TRAPPC9: variants seen among roughly 807,000 people sequenced by gnomAD.
TRAPPC9 encodes the protein IKK2 binding protein.
A neutral mutation model predicts 124.0 loss-of-function variants in TRAPPC9; 83 were observed. The ratio of observed to expected loss-of-function variants is 0.67; its 90% CI spans 0.56 to 0.80. The LOEUF (loss-of-function observed/expected upper bound fraction) is 0.80. Among genes scored for constraint, TRAPPC9 ranks in the 30% least tolerant of loss-of-function variants. The pLI, the probability that TRAPPC9 is intolerant of heterozygous loss-of-function variation, is 0.00. For missense variants in TRAPPC9, 1,302 were observed against 1,508.3 expected (o/e 0.86, Z 2.27); for synonymous variants, 638 against 617.5 (o/e 1.03, Z -0.49).
At chr8:140,227,221 G>A (rs966935412) in intron 16 of TRAPPC9, among the ~76,000 whole-genome samples, 2 of 152,066 alleles carry the variant, frequency 1.3e-5, no homozygotes, top group African/African-American at 4.8e-5. Context: ...CACTGGGCGC[G>A]CCTGGGAAGG....
intron 19 of TRAPPC9, among the ~76,000 whole-genome samples, chr8:139,938,746 C>T (rs922168974): frequency 6.6e-6 from 1 of 151,324 alleles, no homozygotes; most frequent in Non-Finnish European, 1.5e-5. Context: ...CCCGGGTTCA[C>T]GCCATTCTCC....
chr8:140,054,066 C>A (rs1415371685), intron 17 of TRAPPC9, among the ~76,000 whole-genome samples: 1 of 152,182 alleles, frequency 6.6e-6, no homozygotes, highest in Non-Finnish European at 1.5e-5. Context: ...TGAATTAACA[C>A]AGAAACAGAA....
At chr8:139,885,351 C>T (rs1829934580) in intron 21 of TRAPPC9, among the ~76,000 whole-genome samples, 1 of 152,178 alleles carries the variant, frequency 6.6e-6, no homozygotes, top group East Asian at 1.9e-4. Context: ...GGGTTGAACA[C>T]AACGTTGAGT....
intron 21 of TRAPPC9, among the ~76,000 whole-genome samples, chr8:139,799,143 T>C (rs553756879): frequency 1.3e-5 from 2 of 152,252 alleles, no homozygotes; most frequent in African/African-American, 4.8e-5. Context: ...TGGGGCCTGG[T>C]GGGAGGTAAT....
intron 17 of TRAPPC9, among the ~76,000 whole-genome samples, chr8:140,157,803 C>T (rs2130870834): frequency 6.6e-6 from 1 of 152,140 alleles, no homozygotes; most frequent in African/African-American, 2.4e-5. Context: ...AATCCCAAAA[C>T]ACAGAAATAA....
chr8:139,884,554 G>A (rs1011643346), intron 21 of TRAPPC9, among the ~76,000 whole-genome samples: 2 of 152,144 alleles, frequency 1.3e-5, no homozygotes, highest in Non-Finnish European at 2.9e-5. Context: ...ATAAAATACA[G>A]CTAATCCCCC....
At chr8:140,260,876 G>A (rs1285357682) in intron 15 of TRAPPC9, among the ~76,000 whole-genome samples, 1 of 152,138 alleles carries the variant, frequency 6.6e-6, no homozygotes, top group African/African-American at 2.4e-5. Flanking sequence ...ATCACCAGGC[G>A]GAAAGCACAC....
chr8:140,168,494 C>CGGTATAAAT (rs1262766771), intron 17 of TRAPPC9, among the ~76,000 whole-genome samples: 2 of 152,186 alleles, frequency 1.3e-5, no homozygotes, highest in Admixed American at 1.3e-4. Context: ...TTCCTATAAA[C>CGGTATAAAT]GGAATCATAC....
chr8:140,268,060 C>T (rs1172335184), intron 15 of TRAPPC9, among the ~76,000 whole-genome samples: 1 of 151,816 alleles, frequency 6.6e-6, no homozygotes, highest in African/African-American at 2.4e-5. Context: ...TTTTTCATCT[C>T]GTGTGGCAAA....
chr8:140,076,782 G>A (rs952226080), intron 17 of TRAPPC9, among the ~76,000 whole-genome samples: 18 of 152,172 alleles, frequency 1.2e-4, no homozygotes, highest in African/African-American at 3.9e-4. Context: ...ACTATCATGC[G>A]CCAGTTAAAA....
chr8:140,240,373 G>A (rs939112102), intron 16 of TRAPPC9, among the ~76,000 whole-genome samples: 1 of 152,150 alleles, frequency 6.6e-6, no homozygotes, highest in Non-Finnish European at 1.5e-5. Flanking sequence ...GGGCTCCGAG[G>A]GGAGGACTGG....
chr8:139,969,790 TG>T (rs1835943966), intron 19 of TRAPPC9, among the ~76,000 whole-genome samples: 1 of 152,320 alleles, frequency 6.6e-6, no homozygotes, highest in East Asian at 1.9e-4. Context: ...GTGTCTATCT[TG>T]GGGAGTTTCC....
At chr8:140,379,183 G>T (rs187895391) in intron 7 of TRAPPC9, among the ~76,000 whole-genome samples, 1 of 151,882 alleles carries the variant, frequency 6.6e-6, no homozygotes, top group African/African-American at 2.4e-5. Context: ...GCCCGGTGCT[G>T]GTTTTTACCA....
chr8:140,044,188 C>A (rs1330922394), intron 17 of TRAPPC9, among the ~76,000 whole-genome samples: 2 of 151,944 alleles, frequency 1.3e-5, no homozygotes, highest in Non-Finnish European at 2.9e-5. Flanking sequence ...AAAAGCCACA[C>A]CCCTCAACTA....
intron 19 of TRAPPC9, among the ~76,000 whole-genome samples, chr8:139,926,673 T>A (rs191468289): frequency 1.3e-5 from 2 of 150,154 alleles, no homozygotes; most frequent in Non-Finnish European, 3.0e-5. Flanking sequence ...GAGCTGAGAT[T>A]GCGCCACTGC....
intron 2 of TRAPPC9, among the ~76,000 whole-genome samples, chr8:140,441,292 AG>A (rs1194570830): frequency 1.3e-5 from 2 of 152,022 alleles, no homozygotes; most frequent in Non-Finnish European, 2.9e-5. Flanking sequence ...TCTCAAAGGT[AG>A]ACAGTGTTTT....
intron 17 of TRAPPC9, among the ~76,000 whole-genome samples, chr8:140,173,596 T>A (rs1354787907): frequency 6.6e-6 from 1 of 150,760 alleles, no homozygotes; most frequent in African/African-American, 2.4e-5. Flanking sequence ...GCCCACTCAG[T>A]GTCACATGAA....
rs2067662210 is a variant in TRAPPC9, at chr8:140,353,959, C to A, written c.1495+6091G>T. On this transcript the variant is annotated intron_variant, in intron 9 of 22. Coordinates refer to ENST00000438773, the MANE Select transcript of TRAPPC9 (RefSeq NM_001160372.4). This position sits in a 1 kb window ranked among gnomAD's most constrained non-coding sequence, Gnocchi z 4.2. ...AGCTCTGACAGCGGCAGGCACAGGGCACGGGGAGCTCCCAGAGGGGGCACT... is the reference window on the plus strand; with the variant it reads ...AGCTCTGACAGCGGCAGGCACAGGGAACGGGGAGCTCCCAGAGGGGGCACT... 6.6e-6 allele frequency among the ~76,000 whole-genome samples: 1 copy of A among 152,190 alleles called. No homozygotes were observed. The highest frequency in any genetic ancestry group is 2.4e-5 in the African/African-American group (1 of 41,444).
At chr8:139,731,483 G>A (rs1372700059) in intron 22 of TRAPPC9, among the ~76,000 whole-genome samples, 1 of 152,218 alleles carries the variant, frequency 6.6e-6, no homozygotes, top group African/African-American at 2.4e-5. Flanking sequence ...AGGGTCAGGA[G>A]TGTGGGAGGG....
Sources: allele counts gnomAD v4.1 joint callset (sites outside exome capture counted in the v4.1 genomes callset), GRCh38; gene constraint gnomAD v4.1.1; non-coding constraint Gnocchi (gnomAD v3.1); transcripts MANE v1.5; gene names NCBI Gene and HGNC (gene_info 2026-07-23, HGNC 2026-07-21).